Variants in KATNAL1 observed in about 807,000 individuals in gnomAD.
The protein encoded by KATNAL1 is katanin catalytic subunit A1 like 1, also known as katanin p60 ATPase-containing subunit A-like 1.
KATNAL1 carries 32 observed loss-of-function variants against 55.2 expected under a neutral mutation model. That is an observed-to-expected ratio of 0.58 (90% CI 0.44 to 0.78). The LOEUF (loss-of-function observed/expected upper bound fraction) is 0.78, where lower values mean the gene tolerates loss of function less well. KATNAL1 is among the 30% of genes least tolerant of loss of function. The pLI, the probability that KATNAL1 is intolerant of heterozygous loss-of-function variation, is 0.00. For synonymous variants in KATNAL1, 193 were observed against 193.6 expected, an observed-to-expected ratio of 1.00 and a Z score of 0.02; for missense variants, 466 against 600.9, an observed-to-expected ratio of 0.78 and a Z score of 2.35.
intron 3 of KATNAL1, among the ~76,000 whole-genome samples, chr13:30,263,218 C>T (rs546275242): frequency 1.9e-4 from 29 of 152,234 alleles, no homozygotes; most frequent in African/African-American, 6.7e-4. Flanking sequence ...TGGGACGTAT[C>T]TCAAAATAAT....
rs1413160154 is a variant in KATNAL1, at chr13:30,203,160, A to G, written c.*5380T>C. ...CCAAATAATGAAGCTGACCATAACAAAGACGGGAAAAGTAATTCAGACATT... is the reference window on the plus strand; with the variant it reads ...CCAAATAATGAAGCTGACCATAACAGAGACGGGAAAAGTAATTCAGACATT... On this transcript the variant is annotated 3_prime_UTR_variant, in exon 11 of 11. Transcript: ENST00000380615. 6.6e-6 allele frequency: 1 copy of G among 152,252 alleles called. No homozygotes were observed. Among genetic ancestry groups the G allele is most frequent in the African/African-American group, 2.4e-5 (1 of 41,476 alleles). The allele number at this position is 152,252 out of a possible 1,614,324, so 9.4% of individuals were successfully genotyped here.
chr13:30,212,024 A>T (rs1221008142), intron 9 of KATNAL1, among the ~76,000 whole-genome samples: 9 of 152,222 alleles, frequency 5.9e-5, no homozygotes, highest in African/African-American at 2.2e-4. Context: ...ACAGGGAAAA[A>T]AATGAAATCA....
rs570543629 is a variant in KATNAL1, at chr13:30,244,399, G to A, written c.493-3313C>T. Among the ~76,000 whole-genome samples, 5 of 152,244 alleles carry A rather than the reference G, an allele frequency of 3.3e-5. No homozygotes were observed. The South Asian group carries it at 1.0e-3, about 32-fold the overall frequency. ...TGCTGCAATAAACATACGTGTACAT[G>A]TGTCTTTATAGAATGATTTATAATC... On this transcript the variant is annotated intron_variant, in intron 4 of 10. Transcript: ENST00000380615.
intron 8 of KATNAL1, among the ~76,000 whole-genome samples, chr13:30,228,407 A>G (rs1053739697): frequency 2.0e-5 from 3 of 152,114 alleles, no homozygotes; most frequent in Admixed American, 1.3e-4. Context: ...GAAACATATA[A>G]TATTTTCTTA....
At chr13:30,240,655 G>A in intron 5 of KATNAL1, 90 bp from the exon 6 acceptor site, 1 of 863,536 alleles carries the variant, frequency 1.2e-6, no homozygotes, top group Non-Finnish European at 1.8e-6. Context: ...TTTTACTTAT[G>A]AAATTATTCT....
intron 1 of KATNAL1, chr13:30,296,764 C>A: frequency 2.1e-6 from 1 of 477,694 alleles, no homozygotes. Context: ...AGCTTGTGCC[C>A]CTACCTAGGT....
chr13:30,278,321 T>C (rs1252282800), intron 3 of KATNAL1, among the ~76,000 whole-genome samples: 1 of 151,986 alleles, frequency 6.6e-6, no homozygotes, highest in Non-Finnish European at 1.5e-5. Context: ...AAGAAAACTT[T>C]TTTAAAAATT....
At chr13:30,302,150 C>G (rs1415984978) in intron 1 of KATNAL1, among the ~76,000 whole-genome samples, 2 of 152,232 alleles carry the variant, frequency 1.3e-5, no homozygotes, top group Non-Finnish European at 2.9e-5. Context: ...GCTGGGATAA[C>G]AAGCAAGAGC....
At chr13:30,302,786 A>G (rs1027740825) in intron 1 of KATNAL1, among the ~76,000 whole-genome samples, 1 of 152,218 alleles carries the variant, frequency 6.6e-6, no homozygotes, top group Non-Finnish European at 1.5e-5. Context: ...GATCTTATTC[A>G]TGTATCATGT....
At chr13:30,262,274 T>C (rs1368396907) in intron 3 of KATNAL1, among the ~76,000 whole-genome samples, 2 of 151,450 alleles carry the variant, frequency 1.3e-5, no homozygotes, top group South Asian at 2.1e-4. Flanking sequence ...CAGGAAAGAT[T>C]CAAAATTGAC....
chr13:30,274,917 A>G (rs901844538), intron 3 of KATNAL1, among the ~76,000 whole-genome samples: 1,449 of 142,568 alleles, frequency 0.01, 17 homozygotes, highest in African/African-American at 0.029. Flanking sequence ...GCACACACAC[A>G]CACACACACA....
chr13:30,305,123 T>G (rs968114198), intron 1 of KATNAL1, among the ~76,000 whole-genome samples: 1 of 152,188 alleles, frequency 6.6e-6, no homozygotes, highest in South Asian at 2.1e-4. Flanking sequence ...GAGTTATCTT[T>G]CTAAAATACA....
At chr13:30,279,528 G>C (rs1421230654) in intron 3 of KATNAL1, among the ~76,000 whole-genome samples, 4 of 152,190 alleles carry the variant, frequency 2.6e-5, no homozygotes, top group African/African-American at 4.8e-5. Flanking sequence ...AAGGCAAAAA[G>C]AGAGAGGTTT....
intron 3 of KATNAL1, among the ~76,000 whole-genome samples, chr13:30,261,925 GCACCA>G (rs900812885): frequency 2.6e-5 from 4 of 151,970 alleles, no homozygotes; most frequent in African/African-American, 2.4e-5. Context: ...ATTTTTTTCA[GCACCA>G]CACCACACCT....
At chr13:30,257,759 C>T (rs1387126170) in intron 3 of KATNAL1, among the ~76,000 whole-genome samples, 2 of 151,288 alleles carry the variant, frequency 1.3e-5, no homozygotes, top group African/African-American at 4.8e-5. Context: ...TGATGGGCTC[C>T]TAAATAGTCT....
intron 1 of KATNAL1, among the ~76,000 whole-genome samples, chr13:30,288,302 G>T (rs1881925006): frequency 6.6e-6 from 1 of 152,120 alleles, no homozygotes; most frequent in African/African-American, 2.4e-5. Flanking sequence ...GCCATTATTT[G>T]CAGATTAATC....
At position 30,206,769 on chromosome 13, in the gene KATNAL1, C is replaced by T. The variant is rs2137327139; in HGVS notation, c.*1771G>A. 6.6e-6 allele frequency: 1 copy of T among 152,138 alleles called. No individual in the cohort carries two copies. The highest frequency in any genetic ancestry group is 1.9e-4 in the East Asian group (1 of 5,190). The allele number at this position is 152,138 out of a possible 1,614,324, so 9.4% of individuals were successfully genotyped here. A position where few individuals can be genotyped will look rare whatever the true frequency, so the allele number is the denominator to read the frequency against. On this transcript the variant is annotated 3_prime_UTR_variant, in exon 11 of 11. Transcript: ENST00000380615. Reference sequence around the variant, plus strand: ...TAAAACTTCAGGGAAAAAAAAAGTGCATTTCTGACTGGCAATAGTTTGCAA... The same window carrying T: ...TAAAACTTCAGGGAAAAAAAAAGTGTATTTCTGACTGGCAATAGTTTGCAA...
intron 3 of KATNAL1, among the ~76,000 whole-genome samples, chr13:30,262,971 T>C (rs1566114527): frequency 1.3e-5 from 2 of 152,150 alleles, no homozygotes; most frequent in Admixed American, 6.5e-5. Flanking sequence ...AAATCCTCAA[T>C]AAAATACTGG....
chr13:30,213,725 C>T (rs373028269), intron 9 of KATNAL1, among the ~76,000 whole-genome samples: 1 of 152,004 alleles, frequency 6.6e-6, no homozygotes, highest in South Asian at 2.1e-4. Context: ...ATTCAACAAC[C>T]CTTCATGCTA....
Sources: allele counts gnomAD v4.1 joint callset (sites outside exome capture counted in the v4.1 genomes callset), GRCh38; gene constraint gnomAD v4.1.1; transcripts MANE v1.5; gene names NCBI Gene and HGNC (gene_info 2026-07-23, HGNC 2026-07-21).